ZEB1: variants seen among roughly 807,000 people sequenced by gnomAD.
ZEB1 encodes the protein zinc finger E-box-binding homeobox 1.
ZEB1 carries 21 observed loss-of-function variants against 84.9 expected under a neutral mutation model. That is an observed-to-expected ratio of 0.25 (90% confidence interval 0.18 to 0.36). The LOEUF is 0.36. Among genes scored for constraint, ZEB1 ranks in the 10% least tolerant of loss-of-function variants. The pLI is 1.00. For missense variants in ZEB1, 1,104 were observed against 1,330.2 expected (o/e 0.83, Z 2.65); for synonymous variants, 420 against 471.1 (o/e 0.89, Z 1.41).
intron 1 of ZEB1, among the ~76,000 whole-genome samples, chr10:31,411,311 A>G (rs2054196612): frequency 6.6e-6 from 1 of 152,296 alleles, no homozygotes; most frequent in Middle Eastern, 3.4e-3. Flanking sequence ...TTCTTTGATA[A>G]CAATGAGAAC....
In ZEB1 at chr10:31,527,412, A is replaced by C. The variant is rs1414862834; in HGVS notation, c.*148A>C. On this transcript the variant is annotated 3_prime_UTR_variant, in exon 9 of 9. Transcript: ENST00000424869. ...AAAACTAAAAAAATACAAAATACAA[A>C]ACACACACACACACACACACACACA... 2.1e-5 allele frequency: 11 copies of C among 515,632 alleles called. No homozygotes were observed. The highest frequency in any genetic ancestry group is 3.9e-5 in the East Asian group (1 of 25,346). 31.9% of individuals were successfully genotyped at this position (515,632 alleles called of 1,614,324 possible). A position where few individuals can be genotyped will look rare whatever the true frequency, so the allele number is the denominator to read the frequency against.
intron 2 of ZEB1, among the ~76,000 whole-genome samples, chr10:31,469,040 G>C (rs1404956000): frequency 6.6e-6 from 1 of 152,176 alleles, no homozygotes; most frequent in Non-Finnish European, 1.5e-5. Flanking sequence ...AACAATCTAA[G>C]AGATGAAAGA....
At position 31,453,334 on chromosome 10, in the gene ZEB1, C is replaced by G. The variant is rs1045924315; in HGVS notation, c.59-7703C>G. 1.1e-4 allele frequency among the ~76,000 whole-genome samples: 17 copies of G among 152,254 alleles called. No individual in the cohort carries two copies. The East Asian group carries it at 3.3e-3, about 29-fold the overall frequency. Reference sequence around the variant, plus strand: ...TCTTTTCCATCTTTCTTCCCCACTTCCCTAAGTTTCTTCCTCTACATGGCC... The same window carrying G: ...TCTTTTCCATCTTTCTTCCCCACTTGCCTAAGTTTCTTCCTCTACATGGCC... On this transcript the variant is annotated intron_variant, in intron 1 of 8. Coordinates refer to ENST00000424869, the MANE Select transcript of ZEB1 (RefSeq NM_001174096.2).
intron 1 of ZEB1, chr10:31,375,046 T>TATACACACACAC (rs1554828418): frequency 7.6e-6 from 1 of 132,314 alleles, no homozygotes; most frequent in African/African-American, 2.7e-5. Flanking sequence ...ATGTTTTTCA[T>TATACACACACAC]ACACACACAC....
At chr10:31,343,587 C>A (rs1379453522) in intron 1 of ZEB1, among the ~76,000 whole-genome samples, 1 of 151,910 alleles carries the variant, frequency 6.6e-6, no homozygotes, top group Non-Finnish European at 1.5e-5. Flanking sequence ...ATGTCTTTCA[C>A]AGAAATTAGT....
At chr10:31,445,108 T>A (rs890512255) in intron 1 of ZEB1, among the ~76,000 whole-genome samples, 2 of 135,784 alleles carry the variant, frequency 1.5e-5, no homozygotes, top group Admixed American at 1.3e-4. Context: ...TGGTTTGTAG[T>A]TCTCCTTGAA....
At chr10:31,480,685 A>T (rs1289493149) in intron 2 of ZEB1, among the ~76,000 whole-genome samples, 1 of 152,130 alleles carries the variant, frequency 6.6e-6, no homozygotes, top group African/African-American at 2.4e-5. Context: ...GAAGGAGTGT[A>T]GGCTTTCCCT....
intron 1 of ZEB1, chr10:31,319,505 T>C: frequency 1.7e-6 from 1 of 591,464 alleles, no homozygotes; most frequent in Non-Finnish European, 3.0e-6. Context: ...TGAACCGTTA[T>C]GTCTCTTACC....
At chr10:31,330,306 C>T (rs550813763) in intron 1 of ZEB1, among the ~76,000 whole-genome samples, 3 of 152,168 alleles carry the variant, frequency 2.0e-5, no homozygotes, top group Non-Finnish European at 4.4e-5. Flanking sequence ...GAACACAAGT[C>T]CTACTTCCCT....
Position 31,526,957 on chromosome 10 carries a change from A to C in ZEB1, c.3071A>C (p.Asp1024Ala), listed in dbSNP as rs1265837449. 1 of 1,613,882 alleles carries C rather than the reference A, an allele frequency of 6.2e-7. No individual in the cohort carries two copies. The highest frequency in any genetic ancestry group is 8.5e-7 in the Non-Finnish European group (1 of 1,179,926). ...ARASPSQGDS[D>A]ERESLTREED... ...GCGTCTCCCTCACAGGGCGACTCGG[A>C]CGAGAGAGAGAGTTTGACAAGGGAA... Residue 1024 changes from aspartate (D) to alanine (A), a missense_variant, in exon 9 of 9, where the codon GAC (aspartate) becomes GCC (alanine). Physicochemically the swap from Asp to Ala is moderately radical, Grantham distance 126 (BLOSUM62 -2). Transcript: ENST00000424869.
rs1017811282 is a variant in ZEB1 at position 31,500,800 on chromosome 10, A to T, written c.323-1548A>T. On this transcript the variant is annotated intron_variant, in intron 3 of 8. Transcript: ENST00000424869. ...TTTACATGGAAGCTGAGGATCCGGG[A>T]GTTGATTCCTTTAAACCCAACAGTC... Among the ~76,000 whole-genome samples the T allele has an allele frequency of 9.4e-4, 143 of 152,304 alleles. 2 individuals carry two copies. The highest frequency in any genetic ancestry group is 3.4e-3 in the African/African-American group (140 of 41,564).
intron 1 of ZEB1, chr10:31,320,011 T>C (rs1311972833): frequency 8.6e-5 from 13 of 150,836 alleles, no homozygotes; most frequent in African/African-American, 3.2e-4. Context: ...GCGGTAAAGT[T>C]GGGACCCGCG....
At chr10:31,463,277 G>A (rs772153142) in intron 2 of ZEB1, among the ~76,000 whole-genome samples, 1 of 152,060 alleles carries the variant, frequency 6.6e-6, no homozygotes, top group Non-Finnish European at 1.5e-5. Flanking sequence ...TGTTGGGTTC[G>A]ATTATTTGAA....
intron 1 of ZEB1, among the ~76,000 whole-genome samples, chr10:31,342,427 TATC>T (rs1052266176): frequency 5.9e-5 from 9 of 152,114 alleles, no homozygotes; most frequent in African/African-American, 1.9e-4. Context: ...GGGAGAAAGT[TATC>T]ATCAGAGAGT....
intron 4 of ZEB1, among the ~76,000 whole-genome samples, chr10:31,503,484 T>C (rs868629380): frequency 1.3e-5 from 2 of 152,240 alleles, no homozygotes; most frequent in African/African-American, 4.8e-5. Flanking sequence ...TGATGTACAC[T>C]GAGGTTGATT....
chr10:31,331,217 G>A (rs1036399194), intron 1 of ZEB1, among the ~76,000 whole-genome samples: 2 of 150,090 alleles, frequency 1.3e-5, no homozygotes, highest in Non-Finnish European at 3.0e-5. Context: ...CTCCTGAGTA[G>A]CTGGGATTAC....
At chr10:31,426,529 T>C (rs1196101660) in intron 1 of ZEB1, among the ~76,000 whole-genome samples, 2 of 152,228 alleles carry the variant, frequency 1.3e-5, no homozygotes, top group Non-Finnish European at 2.9e-5. Context: ...AGTCTAACTT[T>C]ATAACGCTAG....
chr10:31,331,551 C>T (rs766746934), intron 1 of ZEB1, among the ~76,000 whole-genome samples: 1 of 151,960 alleles, frequency 6.6e-6, no homozygotes, highest in African/African-American at 2.4e-5. Context: ...GTACCTTGCC[C>T]TAAGGAGATT....
rs533801033 is a variant in ZEB1 at position 31,446,269 on chromosome 10, T to G, written c.59-14768T>G. 4.6e-5 allele frequency among the ~76,000 whole-genome samples: 7 copies of G among 152,304 alleles called. No homozygotes were observed. In the East Asian group the frequency reaches 1.3e-3, roughly 29 times the overall value. On this transcript the variant is annotated intron_variant, in intron 1 of 8. Coordinates refer to ENST00000424869, the MANE Select transcript of ZEB1 (RefSeq NM_001174096.2). ...TGTGGGATCGGTGGTGATATCCCCT[T>G]TATCATTTTTTATTGCGTCTATTTG...
Sources: gnomAD v4.1 joint callset for allele counts (sites outside exome capture counted in the v4.1 genomes callset) on GRCh38, gnomAD v4.1.1 for gene constraint, MANE v1.5 for transcripts, NCBI Gene and HGNC (gene_info 2026-07-23, HGNC 2026-07-21) for gene names.